The following ZDHHC15 variants were observed in gnomAD, a reference collection of about 807,000 sequenced individuals.
The protein encoded by ZDHHC15 is zDHHC palmitoyltransferase 15, also known as palmitoyltransferase ZDHHC15.
Under a neutral mutation model 31.7 loss-of-function variants are expected in ZDHHC15, and 19 were observed. The ratio of observed to expected loss-of-function variants is 0.60; its 90% CI spans 0.42 to 0.88. The LOEUF is 0.88. ZDHHC15 is among the 40% of genes least tolerant of loss of function. The probability of loss-of-function intolerance (pLI) is 0.00; values close to 1 mark genes in which losing one functional copy is unlikely to be tolerated. For missense variants in ZDHHC15, 209 were observed against 251.2 expected, an observed-to-expected ratio of 0.83 and a Z score of 1.14; for synonymous variants, 103 against 90.0, an observed-to-expected ratio of 1.14 and a Z score of -0.82.
chrX:75,448,962 CA>C (rs1395826062), intron 4 of ZDHHC15, among the ~76,000 whole-genome samples: 4 of 110,611 alleles, frequency 3.6e-5, no homozygotes, highest in Non-Finnish European at 7.6e-5. Flanking sequence ...CTGAACAGAA[CA>C]AAAATGTGGA....
At chrX:75,451,381 G>A (rs2084114809) in intron 3 of ZDHHC15, among the ~76,000 whole-genome samples, 1 of 112,276 alleles carries the variant, frequency 8.9e-6, no homozygotes, top group Non-Finnish European at 1.9e-5. Flanking sequence ...GGAGAAGCTG[G>A]ATGAGACTGC....
intron 3 of ZDHHC15, among the ~76,000 whole-genome samples, chrX:75,455,609 A>G (rs1245445627): frequency 1.8e-5 from 2 of 111,833 alleles, no homozygotes; most frequent in Admixed American, 1.9e-4. Flanking sequence ...AATTTTTGCA[A>G]TCTACTTATC....
At chrX:75,520,253 G>A (rs902729169) in intron 1 of ZDHHC15, among the ~76,000 whole-genome samples, 3 of 111,735 alleles carry the variant, frequency 2.7e-5, no homozygotes, top group Admixed American at 9.5e-5. Flanking sequence ...TAAGTCCTAC[G>A]CTTCCTTTCA....
intron 4 of ZDHHC15, among the ~76,000 whole-genome samples, chrX:75,448,204 CA>C (rs2084060190): frequency 8.9e-6 from 1 of 112,231 alleles, no homozygotes; most frequent in African/African-American, 3.2e-5. Context: ...AATGGAAAAC[CA>C]CAACAATCCA....
intron 7 of ZDHHC15, among the ~76,000 whole-genome samples, chrX:75,425,219 G>A (rs2083697232): frequency 1.1e-5 from 1 of 88,097 alleles, no homozygotes; most frequent in Non-Finnish European, 2.3e-5. Context: ...TATTGAAAAT[G>A]TCACGGTGAT....
At chrX:75,479,261 C>T (rs2084653488) in intron 2 of ZDHHC15, among the ~76,000 whole-genome samples, 3 of 112,105 alleles carry the variant, frequency 2.7e-5, no homozygotes, top group African/African-American at 9.7e-5. Flanking sequence ...GGGAAAACTA[C>T]TTCAGCCAAT....
intron 10 of ZDHHC15, among the ~76,000 whole-genome samples, chrX:75,392,361 C>T (rs924661051): frequency 1.8e-5 from 2 of 111,747 alleles, no homozygotes; most frequent in Non-Finnish European, 3.8e-5. Context: ...TTAGATTGTG[C>T]CTACTCAAAT....
intron 2 of ZDHHC15, among the ~76,000 whole-genome samples, chrX:75,487,096 T>G (rs151336262): frequency 3.6e-5 from 4 of 111,567 alleles, no homozygotes; most frequent in African/African-American, 1.3e-4. Context: ...CAGCAACTCA[T>G]AACAGAACAA....
At chrX:75,394,506 C>A (rs1249036616) in intron 10 of ZDHHC15, among the ~76,000 whole-genome samples, 2 of 107,873 alleles carry the variant, frequency 1.9e-5, no homozygotes, top group Non-Finnish European at 3.8e-5. Context: ...CACAAATAGA[C>A]TGAAAATAAA....
At chrX:75,378,490 A>C (rs1219660824) in intron 11 of ZDHHC15, among the ~76,000 whole-genome samples, 2 of 112,122 alleles carry the variant, frequency 1.8e-5, no homozygotes, top group African/African-American at 6.5e-5. Flanking sequence ...ATAGGATTAG[A>C]AGTTTCATCC....
chrX:75,426,897 T>C (rs2083720131), intron 7 of ZDHHC15, among the ~76,000 whole-genome samples: 1 of 111,481 alleles, frequency 9.0e-6, no homozygotes, highest in Admixed American at 9.6e-5. Context: ...ACTTAACTAC[T>C]ATGAGCCTCA....
chrX:75,478,063 CT>C (rs1227341020), intron 3 of ZDHHC15, among the ~76,000 whole-genome samples: 1 of 111,495 alleles, frequency 9.0e-6, no homozygotes, highest in African/African-American at 3.3e-5. Flanking sequence ...TCTTTTACTA[CT>C]TTGGAACCTA....
intron 2 of ZDHHC15, among the ~76,000 whole-genome samples, chrX:75,504,259 A>G (rs907109241): frequency 9.0e-6 from 1 of 111,443 alleles, no homozygotes; most frequent in African/African-American, 3.3e-5. Context: ...TTGGAGACTG[A>G]AAGGTTATGT....
intron 9 of ZDHHC15, among the ~76,000 whole-genome samples, chrX:75,421,536 G>A (rs2083640925): frequency 1.2e-5 from 1 of 81,479 alleles, no homozygotes; most frequent in African/African-American, 4.7e-5. Flanking sequence ...TGCATAGTTT[G>A]TCTCTGTCTT....
At position 75,464,158 on chromosome X, in the gene ZDHHC15, C is replaced by T. The variant is rs148266836; in HGVS notation, c.259-13236G>A. ...CAGGGACACGGATGAAGCTGGAAAC[C>T]ATCATTCTCGGCAAACTGTCACAAG... is the stretch of plus-strand genomic sequence containing the variant. On this transcript the variant is annotated intron_variant, in intron 3 of 11. Coordinates refer to ENST00000373367, the MANE Select transcript of ZDHHC15 (RefSeq NM_144969.3). Among the ~76,000 whole-genome samples, 445 of 111,071 alleles carry T rather than the reference C, an allele frequency of 4.0e-3. 2 individuals are homozygous for T. Among genetic ancestry groups the T allele is most frequent in the African/African-American group, 0.014 (429 of 30,559 alleles).
intron 10 of ZDHHC15, among the ~76,000 whole-genome samples, chrX:75,399,244 C>T (rs2083330429): frequency 8.9e-6 from 1 of 111,805 alleles, no homozygotes; most frequent in African/African-American, 3.3e-5. Flanking sequence ...AGTACCAACT[C>T]AGCAACTCCC....
chrX:75,408,183 G>T (rs749385744), intron 10 of ZDHHC15, among the ~76,000 whole-genome samples: 1 of 97,327 alleles, frequency 1.0e-5, no homozygotes, highest in Non-Finnish European at 2.1e-5. Flanking sequence ...CCCCCTCTCC[G>T]AGAAACACCC....
chrX:75,433,058 T>G (rs920669058), intron 4 of ZDHHC15, among the ~76,000 whole-genome samples: 2 of 111,677 alleles, frequency 1.8e-5, no homozygotes, highest in Admixed American at 9.5e-5. Flanking sequence ...TCCAACACCT[T>G]CAGAATAAAA....
chrX:75,479,083 A>G (rs2084650202), intron 2 of ZDHHC15, 98 bp from the exon 3 acceptor site: 1 of 514,629 alleles, frequency 1.9e-6, no homozygotes, highest in Admixed American at 4.6e-5. Flanking sequence ...TTGTTTTCTT[A>G]TTAACATGTA....
Sources: gnomAD v4.1 joint callset for allele counts (sites outside exome capture counted in the v4.1 genomes callset) on GRCh38, gnomAD v4.1.1 for gene constraint, MANE v1.5 for transcripts, NCBI Gene and HGNC (gene_info 2026-07-23, HGNC 2026-07-21) for gene names.